The following CPQ variants were observed in gnomAD, a reference collection of about 807,000 sequenced individuals.
CPQ encodes the protein carboxypeptidase Q.
Under a neutral mutation model 45.7 loss-of-function variants are expected in CPQ, and 37 were observed. The ratio of observed to expected loss-of-function variants is 0.81; its 90% CI spans 0.62 to 1.07. The LOEUF (loss-of-function observed/expected upper bound fraction) is 1.07. CPQ is among the 50% of genes least tolerant of loss of function. The pLI is 0.00. For synonymous variants in CPQ, 186 were observed against 205.8 expected, an observed-to-expected ratio of 0.90 and a Z score of 0.82; for missense variants, 537 against 572.9, an observed-to-expected ratio of 0.94 and a Z score of 0.64.
chr8:96,910,107 T>C (rs1812637314), intron 4 of CPQ, among the ~76,000 whole-genome samples: 1 of 152,184 alleles, frequency 6.6e-6, no homozygotes, highest in Non-Finnish European at 1.5e-5. Context: ...ATGAAGCCTA[T>C]GTTTGGATTA....
At chr8:96,712,511 C>T (rs1809619704) in intron 1 of CPQ, among the ~76,000 whole-genome samples, 1 of 152,168 alleles carries the variant, frequency 6.6e-6, no homozygotes, top group Non-Finnish European at 1.5e-5. Flanking sequence ...GCAGAGCTTC[C>T]CAAACCCCAG....
intron 1 of CPQ, among the ~76,000 whole-genome samples, chr8:96,676,072 A>C (rs1156492067): frequency 6.6e-6 from 1 of 152,028 alleles, no homozygotes; most frequent in Non-Finnish European, 1.5e-5. Flanking sequence ...TGTAACAATC[A>C]AATTGGGATA....
intron 2 of CPQ, among the ~76,000 whole-genome samples, chr8:96,818,137 T>C (rs1471950283): frequency 6.6e-6 from 1 of 151,862 alleles, no homozygotes; most frequent in East Asian, 2.0e-4. Context: ...TTCAATGGTG[T>C]TGTATCTTAG....
chr8:97,024,585 T>TAACCATGTCC (rs1232902428), intron 5 of CPQ, among the ~76,000 whole-genome samples: 2 of 152,226 alleles, frequency 1.3e-5, no homozygotes. Flanking sequence ...AATTTTTGTC[T>TAACCATGTCC]AACCATGTCC....
intron 4 of CPQ, among the ~76,000 whole-genome samples, chr8:96,898,777 A>T (rs1310918830): frequency 0.068 from 99 of 1,448 alleles, no homozygotes; most frequent in African/African-American, 0.087. Context: ...AGGGTATAAT[A>T]AAAAAAAAAA....
At chr8:97,105,803 A>T (rs1387776956) in intron 7 of CPQ, among the ~76,000 whole-genome samples, 6 of 152,244 alleles carry the variant, frequency 3.9e-5, no homozygotes, top group Admixed American at 3.9e-4. Flanking sequence ...GCTTTTAAAA[A>T]TATCATTTAC....
At chr8:96,798,916 A>G (rs1224576457) in intron 2 of CPQ, among the ~76,000 whole-genome samples, 1 of 152,104 alleles carries the variant, frequency 6.6e-6, no homozygotes, top group Admixed American at 6.6e-5. Flanking sequence ...CACTAGGCCC[A>G]GGGCCTGGTA....
At chr8:96,942,828 T>TA (rs1400463437) in intron 4 of CPQ, among the ~76,000 whole-genome samples, 1 of 152,236 alleles carries the variant, frequency 6.6e-6, no homozygotes, top group East Asian at 1.9e-4. Context: ...GCTGGTGCTC[T>TA]AAGAGCCACA....
intron 2 of CPQ, among the ~76,000 whole-genome samples, chr8:96,808,673 C>G (rs550938030): frequency 6.6e-6 from 1 of 152,168 alleles, no homozygotes; most frequent in Admixed American, 6.5e-5. Flanking sequence ...TCGTGGTGGC[C>G]GTAAGATGTG....
intron 1 of CPQ, among the ~76,000 whole-genome samples, chr8:96,689,228 A>G (rs1809273101): frequency 6.6e-6 from 1 of 152,194 alleles, no homozygotes; most frequent in Non-Finnish European, 1.5e-5. Flanking sequence ...GTTCTACAAT[A>G]CAGAAGCAGA....
At chr8:96,996,960 A>T (rs547258718) in intron 5 of CPQ, among the ~76,000 whole-genome samples, 31 of 152,132 alleles carry the variant, frequency 2.0e-4, no homozygotes, top group African/African-American at 6.7e-4. Context: ...CTTGTTTTCG[A>T]AAAGTCCCAG....
chr8:96,955,738 G>T (rs1223839425), intron 4 of CPQ, among the ~76,000 whole-genome samples: 1 of 152,078 alleles, frequency 6.6e-6, no homozygotes, highest in African/African-American at 2.4e-5. Context: ...CAGCTATCTG[G>T]TCTTTGACAA....
At chr8:96,675,658 A>C (rs1416775064) in intron 1 of CPQ, among the ~76,000 whole-genome samples, 1 of 152,072 alleles carries the variant, frequency 6.6e-6, no homozygotes, top group Non-Finnish European at 1.5e-5. Context: ...GCCCAGCAGC[A>C]ATATGGAAGT....
rs1051584733 is a variant in CPQ at position 96,775,742 on chromosome 8, G to A, written c.-34-9122G>A. Among the ~76,000 whole-genome samples, 4 of 152,186 alleles carry A rather than the reference G, an allele frequency of 2.6e-5. No homozygotes were observed. In the East Asian group the frequency reaches 7.7e-4, roughly 29 times the overall value. On this transcript the variant is annotated intron_variant, in intron 1 of 7. Coordinates refer to ENST00000220763, the MANE Select transcript of CPQ (RefSeq NM_016134.4). ...TATTTGGAATGTAGGAGAGTTCTTA[G>A]TACACAGATTGTCCCCCACATAGCT... is the stretch of plus-strand genomic sequence containing the variant.
intron 4 of CPQ, among the ~76,000 whole-genome samples, chr8:96,935,946 T>C (rs1267698507): frequency 6.6e-6 from 1 of 151,704 alleles, no homozygotes; most frequent in African/African-American, 2.4e-5. Context: ...GTCTACCTCT[T>C]TTTTTTTTCT....
At chr8:96,674,486 T>C (rs1809048364) in intron 1 of CPQ, among the ~76,000 whole-genome samples, 1 of 152,152 alleles carries the variant, frequency 6.6e-6, no homozygotes. Flanking sequence ...GAAATGCTTG[T>C]AGAGACTTTA....
intron 2 of CPQ, among the ~76,000 whole-genome samples, chr8:96,807,546 A>T (rs929217154): frequency 8.5e-5 from 13 of 152,162 alleles, no homozygotes; most frequent in African/African-American, 3.1e-4. Flanking sequence ...AACTACTCTT[A>T]ATAGTTACCC....
At chr8:97,029,665 A>G (rs1809862777) in intron 6 of CPQ, among the ~76,000 whole-genome samples, 171 bp downstream of exon 6, 1 of 152,170 alleles carries the variant, frequency 6.6e-6, no homozygotes. Context: ...TGGTAAACCA[A>G]TGATGCTGTG....
intron 5 of CPQ, among the ~76,000 whole-genome samples, chr8:96,978,897 T>C (rs1446519819): frequency 3.9e-5 from 6 of 152,144 alleles, no homozygotes; most frequent in Non-Finnish European, 8.8e-5. Flanking sequence ...AGGAGACGTC[T>C]TATTTCAATA....
Sources: allele counts gnomAD v4.1 joint callset (sites outside exome capture counted in the v4.1 genomes callset), GRCh38; gene constraint gnomAD v4.1.1; transcripts MANE v1.5; gene names NCBI Gene and HGNC (gene_info 2026-07-23, HGNC 2026-07-21).